Variants in ECT2L observed in about 807,000 individuals in gnomAD.
The protein encoded by ECT2L is epithelial cell transforming 2 like, also known as epithelial cell-transforming sequence 2 oncogene-like.
A neutral mutation model predicts 122.8 loss-of-function variants in ECT2L; 126 were observed. The ratio of observed to expected loss-of-function variants is 1.03; its 90% CI spans 0.89 to 1.19. The LOEUF (loss-of-function observed/expected upper bound fraction) is 1.19. ECT2L is among the 50% of genes most tolerant of loss of function. The pLI is 0.00. For synonymous variants in ECT2L, 385 were observed against 381.8 expected (o/e 1.01, Z -0.10); for missense variants, 1,012 against 1,064.1 (o/e 0.95, Z 0.68).
intron 19 of ECT2L, among the ~76,000 whole-genome samples, chr6:138,888,541 T>C (rs113870555): frequency 0.088 from 13,341 of 152,012 alleles, 1,221 homozygotes; most frequent in African/African-American, 0.23. Flanking sequence ...CTCCAACTCC[T>C]GACCTCAGGT....
Position 138,846,677 on chromosome 6 carries a change from G to A in ECT2L, c.903G>A (p.Glu301=). The change falls in exon 8 of 22, where the codon GAG becomes GAA. Residue 301 remains glutamate, a splice_region_variant and synonymous_variant. Coordinates refer to ENST00000541398, the MANE Select transcript of ECT2L (RefSeq NM_001077706.3). ...MLISSRIPAY[E]MVMESVKAGV... The stretch of plus-strand genomic sequence containing the variant: ...TATCATCCCGGATTCCTGCGTATGA[G>A]GTAGAGTATGTTATGAGGCCAGTCC... 1 of 1,590,052 alleles carries A rather than the reference G, an allele frequency of 6.3e-7. No homozygotes were observed. Among genetic ancestry groups the A allele is most frequent in the Non-Finnish European group, 8.5e-7 (1 of 1,169,716 alleles).
In ECT2L at chr6:138,849,388, C is replaced by A. The variant is rs369630645; in HGVS notation, c.1023C>A (p.Ile341=). ...TGGATGGGCAGAAGGCACAGAGCAT[C>A]GGAATATTTAGCGATGGAGACAGCA... ...KALDGQKAQS[I]GIFSDGDSRE... The change falls in exon 9 of 22, where the codon ATC becomes ATA. Residue 341 remains isoleucine, a synonymous_variant. Transcript: ENST00000541398. 6.2e-7 allele frequency: 1 copy of A among 1,613,718 alleles called. No individual in the cohort carries two copies.
intron 4 of ECT2L, among the ~76,000 whole-genome samples, chr6:138,824,558 T>TAAAAAAAAAAAAA (rs748380178): frequency 1.5e-5 from 2 of 131,766 alleles, no homozygotes; most frequent in Non-Finnish European, 3.1e-5. Flanking sequence ...AAAAAAACTA[T>TAAAAAAAAAAAAA]AAAAAAAAAC....
At chr6:138,852,381 G>A (rs1018820002) in intron 9 of ECT2L, among the ~76,000 whole-genome samples, 5 of 150,750 alleles carry the variant, frequency 3.3e-5, no homozygotes, top group African/African-American at 4.9e-5. Context: ...AGAAGTAGAC[G>A]TCTAGTTTCT....
At chr6:138,871,818 CA>C (rs1054864190) in intron 13 of ECT2L, among the ~76,000 whole-genome samples, 5 of 149,378 alleles carry the variant, frequency 3.3e-5, no homozygotes, top group Admixed American at 6.7e-5. Context: ...AACAAACAAA[CA>C]AAAAAAAACA....
intron 4 of ECT2L, among the ~76,000 whole-genome samples, chr6:138,834,140 C>T (rs1407042211): frequency 6.6e-6 from 1 of 152,218 alleles, no homozygotes; most frequent in Non-Finnish European, 1.5e-5. Context: ...CAGTGGCACA[C>T]TGCAAAGCAT....
At chr6:138,824,678 G>T (rs549568111) in intron 4 of ECT2L, among the ~76,000 whole-genome samples, 4 of 152,178 alleles carry the variant, frequency 2.6e-5, no homozygotes, top group African/African-American at 9.6e-5. Context: ...CATTAAGCAG[G>T]AGTGCTCAGT....
chr6:138,876,171 T>C (rs1778444219), intron 13 of ECT2L, among the ~76,000 whole-genome samples: 1 of 151,992 alleles, frequency 6.6e-6, no homozygotes, highest in African/African-American at 2.4e-5. Flanking sequence ...GTGTGAGTCT[T>C]TAAGCCTGGG....
intron 4 of ECT2L, among the ~76,000 whole-genome samples, chr6:138,816,154 A>T (rs963033847): frequency 6.6e-6 from 1 of 152,214 alleles, no homozygotes; most frequent in Non-Finnish European, 1.5e-5. Context: ...AAAATAACAG[A>T]CCAGACCTCA....
intron 1 of ECT2L, among the ~76,000 whole-genome samples, chr6:138,806,404 G>T (rs368787588): frequency 6.6e-6 from 1 of 151,918 alleles, no homozygotes; most frequent in African/African-American, 2.4e-5. Context: ...ATGGATTGGG[G>T]TGCTATGGGA....
intron 13 of ECT2L, among the ~76,000 whole-genome samples, chr6:138,869,162 G>T (rs186072696): frequency 6.6e-6 from 1 of 152,204 alleles, no homozygotes; most frequent in Admixed American, 6.5e-5. Context: ...GCAAGACTCT[G>T]TCTCAAAAAA....
At chr6:138,816,636 C>T (rs987605252) in intron 4 of ECT2L, among the ~76,000 whole-genome samples, 1 of 152,082 alleles carries the variant, frequency 6.6e-6, no homozygotes, top group African/African-American at 2.4e-5. Flanking sequence ...AGGCGCCCAC[C>T]ACCACGCCCA....
chr6:138,847,262 C>T (rs1777255988), intron 8 of ECT2L, among the ~76,000 whole-genome samples: 1 of 128,538 alleles, frequency 7.8e-6, no homozygotes, highest in Non-Finnish European at 1.6e-5. Context: ...GACACTGTCT[C>T]AAAACAAAAC....
At chr6:138,899,163 A>T (rs1779311651) in intron 20 of ECT2L, among the ~76,000 whole-genome samples, 1 of 152,038 alleles carries the variant, frequency 6.6e-6, no homozygotes, top group South Asian at 2.1e-4. Flanking sequence ...AAAAAAAAAA[A>T]TGAAGTAAGA....
At chr6:138,840,621 T>G (rs1287774304) in intron 5 of ECT2L, among the ~76,000 whole-genome samples, 2 of 151,626 alleles carry the variant, frequency 1.3e-5, no homozygotes, top group African/African-American at 4.9e-5. Context: ...AATATTTCAT[T>G]TTTTTTTCTT....
At chr6:138,884,303 C>T (rs1049631645) in intron 16 of ECT2L, among the ~76,000 whole-genome samples, 2 of 152,108 alleles carry the variant, frequency 1.3e-5, no homozygotes, top group African/African-American at 2.4e-5. Context: ...AGGGAGGTAA[C>T]TTTACGGGTG....
intron 13 of ECT2L, among the ~76,000 whole-genome samples, chr6:138,875,878 T>C (rs1190525190): frequency 6.6e-6 from 1 of 152,148 alleles, no homozygotes; most frequent in African/African-American, 2.4e-5. Context: ...CCCAGCACTT[T>C]GGGAGGCCAA....
chr6:138,839,092 T>C (rs1217526789), intron 5 of ECT2L, among the ~76,000 whole-genome samples: 1 of 152,164 alleles, frequency 6.6e-6, no homozygotes, highest in African/African-American at 2.4e-5. Flanking sequence ...GGAGTTCACT[T>C]TTCTTCATGA....
At chr6:138,866,171 CAG>C (rs1173333667) in intron 12 of ECT2L, among the ~76,000 whole-genome samples, 1 of 126,590 alleles carries the variant, frequency 7.9e-6, no homozygotes, top group Non-Finnish European at 1.6e-5. Flanking sequence ...TTTTTTGAGA[CAG>C]AGTTTTGCTC....
Sources: allele counts gnomAD v4.1 joint callset (sites outside exome capture counted in the v4.1 genomes callset), GRCh38; gene constraint gnomAD v4.1.1; transcripts MANE v1.5; gene names NCBI Gene and HGNC (gene_info 2026-07-23, HGNC 2026-07-21).